Variants in MEMO1 observed in about 807,000 individuals in gnomAD.
The protein encoded by MEMO1 is protein MEMO1.
A neutral mutation model predicts 45.2 loss-of-function variants in MEMO1; 6 were observed. The observed-to-expected ratio is 0.13, with a 90% CI of 0.07 to 0.26. The LOEUF (loss-of-function observed/expected upper bound fraction) is 0.26. Among genes scored for constraint, MEMO1 ranks in the 10% least tolerant of loss-of-function variants. The pLI, the probability that MEMO1 is intolerant of heterozygous loss-of-function variation, is 1.00. For synonymous variants in MEMO1, 78 were observed against 124.3 expected (o/e 0.63, Z 2.48); for missense variants, 184 against 370.5 (o/e 0.50, Z 4.13).
chr2:31,882,679 T>C (rs1159752213), intron 8 of MEMO1, among the ~76,000 whole-genome samples: 2 of 152,142 alleles, frequency 1.3e-5, no homozygotes, highest in Non-Finnish European at 2.9e-5. Context: ...GCAGACAAGA[T>C]TCAAGTTAGC....
chr2:31,894,479 G>A (rs536093357), intron 6 of MEMO1, among the ~76,000 whole-genome samples: 4 of 152,318 alleles, frequency 2.6e-5, no homozygotes, highest in East Asian at 3.9e-4. Flanking sequence ...TTAATAGACA[G>A]ATCCTAGAAA....
chr2:31,957,040 G>T (rs1274488560), intron 2 of MEMO1, among the ~76,000 whole-genome samples: 1 of 151,846 alleles, frequency 6.6e-6, no homozygotes, highest in Non-Finnish European at 1.5e-5. Flanking sequence ...TACTCGGGAG[G>T]CTGAAGCAGG....
intron 6 of MEMO1, among the ~76,000 whole-genome samples, chr2:31,913,570 A>G (rs992663353): frequency 6.7e-6 from 1 of 150,098 alleles, no homozygotes; most frequent in Non-Finnish European, 1.5e-5. Flanking sequence ...ATTTTTTTTT[A>G]AAAAAAGAAC....
chr2:31,885,756 G>C (rs948932073), intron 7 of MEMO1, among the ~76,000 whole-genome samples: 16 of 152,146 alleles, frequency 1.1e-4, no homozygotes. Context: ...GCTACTATCA[G>C]TAAGCCCTGA....
At chr2:31,869,689 G>A (rs572769423) in intron 9 of MEMO1, among the ~76,000 whole-genome samples, 159 bp downstream of exon 9, 1 of 151,958 alleles carries the variant, frequency 6.6e-6, no homozygotes, top group African/African-American at 2.4e-5. Context: ...CTTTATTCAA[G>A]TAACCAAAAG....
At chr2:31,943,560 T>C (rs1396843770) in intron 2 of MEMO1, among the ~76,000 whole-genome samples, 177 bp from the exon 3 acceptor site, 2 of 152,216 alleles carry the variant, frequency 1.3e-5, no homozygotes, top group Non-Finnish European at 2.9e-5. Flanking sequence ...TAACAAGCCA[T>C]ATGATAAGGC....
intron 9 of MEMO1, 73 bp downstream of exon 9, chr2:31,869,775 G>A: frequency 2.7e-6 from 4 of 1,463,968 alleles, no homozygotes; most frequent in South Asian, 1.4e-5. Flanking sequence ...TGATGCCATT[G>A]TATCACAATG....
intron 2 of MEMO1, among the ~76,000 whole-genome samples, chr2:31,983,284 T>C (rs544128123): frequency 2.0e-5 from 3 of 152,164 alleles, no homozygotes; most frequent in Non-Finnish European, 4.4e-5. Flanking sequence ...TAAATCTTAA[T>C]ATACATAAAA....
At chr2:31,876,179 C>G (rs897944141) in intron 8 of MEMO1, among the ~76,000 whole-genome samples, 2 of 152,184 alleles carry the variant, frequency 1.3e-5, no homozygotes, top group African/African-American at 4.8e-5. Flanking sequence ...TCTTACACAC[C>G]ATACTCCCAC....
chr2:31,929,467 A>G, intron 4 of MEMO1, among the ~76,000 whole-genome samples: 1 of 152,160 alleles, frequency 6.6e-6, no homozygotes, highest in East Asian at 1.9e-4. Flanking sequence ...TTGTGTTCCA[A>G]ATTAGCTGTG....
In MEMO1 at chr2:31,869,970, GAA is replaced by G. The variant is rs1673449240; in HGVS notation, c.658-20_658-19del. On this transcript the variant is annotated intron_variant, in intron 8 of 9. Coordinates refer to ENST00000404530, the MANE Select transcript of MEMO1 (RefSeq NM_001301833.4). ...CTCATACCCTAAAAAAAAAAAAAAA[GAA>G]GAGGAAGAAAAAAATAAAAGAAGAA... 8.9e-7 allele frequency: 1 copy of G among 1,124,760 alleles called. No individual in the cohort carries two copies. Among genetic ancestry groups the G allele is most frequent in the African/African-American group, 1.8e-5 (1 of 55,610 alleles). The allele number at this position is 1,124,760 out of a possible 1,614,324, so 69.7% of individuals were successfully genotyped here.
intron 2 of MEMO1, among the ~76,000 whole-genome samples, chr2:31,982,902 A>T (rs1442229085): frequency 6.6e-6 from 1 of 152,092 alleles, no homozygotes; most frequent in African/African-American, 2.4e-5. Context: ...GCCCTGTGGT[A>T]CTGGATTAGA....
intron 2 of MEMO1, among the ~76,000 whole-genome samples, chr2:31,986,576 A>T (rs1490819293): frequency 5.9e-5 from 9 of 152,186 alleles, no homozygotes; most frequent in Admixed American, 5.9e-4. Context: ...TCATTCACCT[A>T]TTTATAAACA....
intron 6 of MEMO1, among the ~76,000 whole-genome samples, chr2:31,896,164 C>T (rs991152360): frequency 1.3e-5 from 2 of 151,986 alleles, no homozygotes; most frequent in African/African-American, 4.8e-5. Flanking sequence ...GTGAAAGCAG[C>T]GAGAAGAAAA....
chr2:31,939,509 T>A (rs1665360616), intron 3 of MEMO1, among the ~76,000 whole-genome samples: 1 of 152,204 alleles, frequency 6.6e-6, no homozygotes. Context: ...TTTTTATGAA[T>A]ACTAAACTCA....
intron 2 of MEMO1, among the ~76,000 whole-genome samples, chr2:31,961,699 G>A (rs1339351345): frequency 6.6e-6 from 1 of 151,730 alleles, no homozygotes. Flanking sequence ...GATCATTTGT[G>A]CCTGGGAGGC....
chr2:31,909,596 T>C (rs1470992761), intron 6 of MEMO1, among the ~76,000 whole-genome samples: 1 of 152,046 alleles, frequency 6.6e-6, no homozygotes, highest in East Asian at 1.9e-4. Flanking sequence ...GAAACACTGA[T>C]GAAAGGAATT....
intron 2 of MEMO1, among the ~76,000 whole-genome samples, chr2:31,961,087 T>G (rs1667955424): frequency 6.6e-6 from 1 of 152,202 alleles, no homozygotes; most frequent in Non-Finnish European, 1.5e-5. Context: ...CCAGGTGCAG[T>G]GACTCACGCC....
At position 31,891,950 on chromosome 2, in the gene MEMO1, GTATAT is replaced by G. The variant is rs1231406917; in HGVS notation, c.580+37_580+41del. The G allele has an allele frequency of 2.6e-6, 4 of 1,559,954 alleles. No homozygotes were observed. The Admixed American group carries it at 7.5e-5, about 29-fold the overall frequency. On this transcript the variant is annotated intron_variant, in intron 7 of 9. Coordinates refer to ENST00000404530, the MANE Select transcript of MEMO1 (RefSeq NM_001301833.4). ...AATGAAAAGATACCTTTAACCAGAA[GTATAT>G]AACATCTACCATGATATGTTAAAAT...
Sources: allele counts gnomAD v4.1 joint callset (sites outside exome capture counted in the v4.1 genomes callset), GRCh38; gene constraint gnomAD v4.1.1; transcripts MANE v1.5; gene names NCBI Gene and HGNC (gene_info 2026-07-23, HGNC 2026-07-21).